The following ITGA9 variants were observed in gnomAD, a reference collection of about 807,000 sequenced individuals.
ITGA9 encodes integrin subunit alpha 9.
Under a neutral mutation model 127.8 loss-of-function variants are expected in ITGA9, and 56 were observed. The observed-to-expected ratio is 0.44, with a 90% CI of 0.35 to 0.55. The LOEUF (loss-of-function observed/expected upper bound fraction) is 0.55. ITGA9 is among the 20% of genes least tolerant of loss of function. The pLI is 0.00. For missense variants in ITGA9, 1,196 were observed against 1,347.1 expected, an observed-to-expected ratio of 0.89 and a Z score of 1.76; for synonymous variants, 508 against 514.5, an observed-to-expected ratio of 0.99 and a Z score of 0.17.
intron 15 of ITGA9, among the ~76,000 whole-genome samples, chr3:37,582,321 T>C (rs186191893): frequency 7.1e-4 from 108 of 152,322 alleles, no homozygotes; most frequent in Non-Finnish European, 1.1e-3. Flanking sequence ...AGAGAACCTG[T>C]TGAGTCAAGA....
intron 3 of ITGA9, among the ~76,000 whole-genome samples, chr3:37,474,708 T>C (rs1019078889): frequency 6.6e-6 from 1 of 152,200 alleles, no homozygotes; most frequent in Non-Finnish European, 1.5e-5. Flanking sequence ...ATTTTTGTTA[T>C]AAAAGCGTAA....
At chr3:37,790,263 C>A in intron 26 of ITGA9, 1 of 546,522 alleles carries the variant, frequency 1.8e-6, no homozygotes, top group Non-Finnish European at 3.7e-6. Flanking sequence ...GAAATGGCAG[C>A]AGCTTGTCAT....
chr3:37,516,603 C>T (rs1157074422), intron 9 of ITGA9, among the ~76,000 whole-genome samples: 1 of 152,134 alleles, frequency 6.6e-6, no homozygotes, highest in African/African-American at 2.4e-5. Flanking sequence ...AGGTTTCATT[C>T]ATCCAAGAAA....
At chr3:37,614,863 G>A (rs1700058739) in intron 15 of ITGA9, among the ~76,000 whole-genome samples, 1 of 152,136 alleles carries the variant, frequency 6.6e-6, no homozygotes, top group Non-Finnish European at 1.5e-5. Flanking sequence ...AGGAGATTTT[G>A]GGCTGAGATG....
At chr3:37,469,175 G>C (rs1215073184) in intron 1 of ITGA9, among the ~76,000 whole-genome samples, 1 of 152,222 alleles carries the variant, frequency 6.6e-6, no homozygotes, top group Non-Finnish European at 1.5e-5. Flanking sequence ...GGTGGGTCTT[G>C]CCCCTTTCCT....
At chr3:37,735,012 C>G (rs569038312) in intron 19 of ITGA9, among the ~76,000 whole-genome samples, 50 of 152,334 alleles carry the variant, frequency 3.3e-4, no homozygotes, top group Admixed American at 5.2e-4. Flanking sequence ...CGCAGCCCAG[C>G]GTGCACTCCC....
Position 37,452,377 on chromosome 3 carries a change from GGGCGGCCC to G in ITGA9, c.7_14del (p.Gly3CysfsTer40). 2 of 1,247,162 alleles carry G rather than the reference GGGCGGCCC, an allele frequency of 1.6e-6. No homozygotes were observed. The highest frequency in any genetic ancestry group is 2.0e-6 in the Non-Finnish European group (2 of 997,658). The allele number at this position is 1,247,162 out of a possible 1,614,324, so 77.3% of individuals were successfully genotyped here. On this transcript the variant is annotated frameshift_variant, in exon 1 of 28. Coordinates refer to ENST00000264741, the MANE Select transcript of ITGA9 (RefSeq NM_002207.3). LOFTEE classifies it high-confidence loss of function. This position sits in a 1 kb window ranked among gnomAD's most constrained non-coding sequence, Gnocchi z 7.3. Reference sequence around the variant, plus strand: ...GGGAAGGCGGCGGCCGGCTGGGGATGGGCGGCCCGGCTGCGCCGAGGGGCGCCGGGAGG... The same window carrying G: ...GGGAAGGCGGCGGCCGGCTGGGGATGGGCTGCGCCGAGGGGCGCCGGGAGG...
At chr3:37,632,526 G>A (rs1051466531) in intron 16 of ITGA9, among the ~76,000 whole-genome samples, 3 of 152,146 alleles carry the variant, frequency 2.0e-5, no homozygotes, top group African/African-American at 7.2e-5. Context: ...AGAGAAAGAA[G>A]GGGGAGAAAA....
Position 37,508,584 on chromosome 3 carries a change from G to T in ITGA9, c.854G>T (p.Arg285Ile), listed in dbSNP as rs779920856. The T allele has an allele frequency of 6.2e-7, 1 of 1,613,384 alleles. No homozygotes were observed. The highest frequency in any genetic ancestry group is 8.5e-7 in the Non-Finnish European group (1 of 1,179,680). Residue 285 changes from arginine to isoleucine, a missense_variant, in exon 8 of 28, where the codon AGA (arginine) becomes ATA (isoleucine). Physicochemically the swap from Arg to Ile is moderately conservative, Grantham distance 97. Transcript: ENST00000264741. ...GKVYIFRADR[R>I]SGTLIKIFQA... ...GTTTATATTTTCAGAGCTGACCGAA[G>T]ATCAGGCACCTTAATTAAGATCTTT...
chr3:37,819,071 TTCTCC>T lies in ITGA9; in HGVS notation c.*83_*87del. 1 of 1,106,204 alleles carries T rather than the reference TTCTCC, an allele frequency of 9.0e-7. No homozygotes were observed. The highest frequency in any genetic ancestry group is 1.4e-6 in the Non-Finnish European group (1 of 730,898). The allele number at this position is 1,106,204 out of a possible 1,614,324, so 68.5% of individuals were successfully genotyped here. A position where few individuals can be genotyped will look rare whatever the true frequency, so the allele number is the denominator to read the frequency against. On this transcript the variant is annotated 3_prime_UTR_variant, in exon 28 of 28. Transcript: ENST00000264741. ...CTTCCATATTTGGAAGAAAAAAATC[TTCTCC>T]AGATTTTTCGGAGGCCCCACTGATG...
chr3:37,724,204 T>C (rs762308), intron 18 of ITGA9, among the ~76,000 whole-genome samples: 119,152 of 152,068 alleles, frequency 0.78, 47,593 homozygotes, highest in African/African-American at 0.95. Flanking sequence ...AGCCTTGTCC[T>C]GAAACATCTA....
chr3:37,526,735 C>T (rs1699097225), intron 13 of ITGA9, among the ~76,000 whole-genome samples: 1 of 152,222 alleles, frequency 6.6e-6, no homozygotes, highest in African/African-American at 2.4e-5. Flanking sequence ...GGAGTGGGAG[C>T]CAATTCTTAG....
At chr3:37,610,147 G>T (rs546473541) in intron 15 of ITGA9, among the ~76,000 whole-genome samples, 2 of 152,290 alleles carry the variant, frequency 1.3e-5, no homozygotes, top group East Asian at 3.9e-4. Flanking sequence ...AAGCAGCCTT[G>T]TTTTGGGGAA....
At chr3:37,702,141 C>G (rs1700953393) in intron 18 of ITGA9, among the ~76,000 whole-genome samples, 1 of 152,164 alleles carries the variant, frequency 6.6e-6, no homozygotes, top group African/African-American at 2.4e-5. Context: ...GGGTACAGGT[C>G]TACCTGTGAA....
At chr3:37,468,642 A>G (rs1167685624) in intron 1 of ITGA9, among the ~76,000 whole-genome samples, 1 of 152,166 alleles carries the variant, frequency 6.6e-6, no homozygotes, top group Non-Finnish European at 1.5e-5. Context: ...CCCAAGATGA[A>G]GGTGGCTTTC....
At chr3:37,754,981 G>C (rs1373166719) in intron 23 of ITGA9, among the ~76,000 whole-genome samples, 4 of 152,138 alleles carry the variant, frequency 2.6e-5, no homozygotes, top group Admixed American at 6.6e-5. Flanking sequence ...ATGACCTGGA[G>C]GAGCTTCTTA....
At chr3:37,729,261 AT>A in intron 18 of ITGA9, among the ~76,000 whole-genome samples, 1 of 152,312 alleles carries the variant, frequency 6.6e-6, no homozygotes, top group East Asian at 1.9e-4. Context: ...CATGGCCAGT[AT>A]AAACAGCTAT....
chr3:37,509,663 T>C (rs904473590), intron 8 of ITGA9, among the ~76,000 whole-genome samples: 4 of 152,182 alleles, frequency 2.6e-5, no homozygotes, highest in African/African-American at 9.7e-5. Flanking sequence ...GAATAAAAAA[T>C]GCATCACCAA....
At chr3:37,570,051 C>G (rs191779089) in intron 15 of ITGA9, among the ~76,000 whole-genome samples, 1 of 152,342 alleles carries the variant, frequency 6.6e-6, no homozygotes, top group Non-Finnish European at 1.5e-5. Flanking sequence ...TGTGAGAGCC[C>G]AGCTCCCCTG....
Sources: allele counts gnomAD v4.1 joint callset (sites outside exome capture counted in the v4.1 genomes callset), GRCh38; gene constraint gnomAD v4.1.1; non-coding constraint Gnocchi (gnomAD v3.1); transcripts MANE v1.5; gene names NCBI Gene and HGNC (gene_info 2026-07-23, HGNC 2026-07-21).